Variants in NASP observed in about 807,000 individuals in gnomAD.
The protein encoded by NASP is nuclear autoantigenic sperm protein.
A neutral mutation model predicts 89.5 loss-of-function variants in NASP; 24 were observed. That is an observed-to-expected ratio of 0.27 (90% CI 0.19 to 0.38). NASP has a LOEUF of 0.38. NASP is among the 10% of genes least tolerant of loss of function. The pLI is 1.00. For synonymous variants in NASP, 306 were observed against 324.7 expected (o/e 0.94, Z 0.62); for missense variants, 848 against 921.4 (o/e 0.92, Z 1.03).
intron 2 of NASP, among the ~76,000 whole-genome samples, chr1:45,592,226 C>T (rs916358031): frequency 3.3e-5 from 5 of 152,220 alleles, no homozygotes; most frequent in Non-Finnish European, 7.3e-5. Flanking sequence ...CTCAGGTGAT[C>T]TGCCCGCCTT....
intron 14 of NASP, among the ~76,000 whole-genome samples, 153 bp downstream of exon 14, chr1:45,617,744 A>T (rs1161506013): frequency 6.6e-6 from 1 of 152,212 alleles, no homozygotes; most frequent in East Asian, 1.9e-4. Context: ...GCAGGAAAAC[A>T]GTTTGGTTAT....
Position 45,602,283 on chromosome 1 carries a change from C to A in NASP, c.136C>A (p.Leu46Ile), listed in dbSNP as rs1643864014. ...GGATGTGGATAGTGAAGCTAAGAAA[C>A]TATTGGGTTTAGGACAGAAACATCT... ...SLDVDSEAKK[L>I]LGLGQKHLVM... is the part of the protein sequence containing the mutation. Residue 46 changes from leucine (L) to isoleucine (I), a missense_variant, in exon 3 of 15, where the codon CTA (leucine) becomes ATA (isoleucine). By Grantham distance (5) the Leu-to-Ile change is conservative (BLOSUM62 2). This residue lies in a region of NASP where 89 missense variants were observed against 79.2 expected (regional missense o/e 1.12). Coordinates refer to ENST00000350030, the MANE Select transcript of NASP (RefSeq NM_002482.4). 6.2e-7 allele frequency: 1 copy of A among 1,613,514 alleles called. No individual in the cohort carries two copies. The highest frequency in any genetic ancestry group is 8.5e-7 in the Non-Finnish European group (1 of 1,179,668).
chr1:45,613,057 T>TA, intron 6 of NASP, 112 bp from the exon 7 acceptor site: 1 of 1,393,842 alleles, frequency 7.2e-7, no homozygotes, highest in South Asian at 1.6e-5. Flanking sequence ...TCACTTGGAT[T>TA]AGCATCTGGC....
rs757384299 is a variant in NASP at position 45,584,075 on chromosome 1, T to C, written c.-72T>C. On this transcript the variant is annotated 5_prime_UTR_variant, in exon 1 of 15. Coordinates refer to ENST00000350030, the MANE Select transcript of NASP (RefSeq NM_002482.4). The stretch of plus-strand genomic sequence containing the variant: ...GCCATTTTCTGTCCCTGAGTGAGTC[T>C]CTGGCGTCCCAAATTGCCTGTTTTT... The C allele has an allele frequency of 7.0e-7, 1 of 1,425,892 alleles. No individual in the cohort carries two copies. Among genetic ancestry groups the C allele is most frequent in the Non-Finnish European group, 9.7e-7 (1 of 1,035,822 alleles). The allele number at this position is 1,425,892 out of a possible 1,614,324, so 88.3% of individuals were successfully genotyped here.
chr1:45,603,605 A>ATTTTTTTT, intron 3 of NASP, among the ~76,000 whole-genome samples: 1 of 119,034 alleles, frequency 8.4e-6, no homozygotes, highest in Non-Finnish European at 1.6e-5. Flanking sequence ...GTATTTAGAG[A>ATTTTTTTT]TTTTTTTTTT....
At chr1:45,584,251 G>T (rs377682344) in intron 1 of NASP, 46 bp downstream of exon 1, 2 of 1,523,210 alleles carry the variant, frequency 1.3e-6, no homozygotes. Context: ...AGTCCGCGGG[G>T]AGGGCTAATG....
chr1:45,606,553 A>C lies in NASP; in HGVS notation c.371A>C (p.Glu124Ala), dbSNP rs1643911172. ...HVEEEEGEKT[E>A]DESLVENNDN... ...GAAGAGGAAGAAGGAGAAAAAACAG[A>C]AGATGAATCTCTGGTAGAAAATAAT... The change falls in exon 5 of 15, where the codon GAA becomes GCA. Residue 124 changes from glutamate to alanine, a missense_variant. Around this residue, in one of 5 missense-constraint regions of NASP, gnomAD observed 464 missense variants for 469.4 expected, o/e 0.99. Coordinates refer to ENST00000350030, the MANE Select transcript of NASP (RefSeq NM_002482.4). 1 of 1,613,158 alleles carries C rather than the reference A, an allele frequency of 6.2e-7. No homozygotes were observed. The highest frequency in any genetic ancestry group is 1.1e-5 in the South Asian group (1 of 91,066).
chr1:45,616,678 A>C lies in NASP; in HGVS notation c.2132A>C (p.Asp711Ala), dbSNP rs1644110946. The part of the protein sequence containing the change: ...DGASSSNCVT[D>A]ISHLVRKKRK... ...GCTTCCTCATCAAATTGTGTGACTG[A>C]TATTTCCCACCTTGTCAGAAAGAAG... The change falls in exon 13 of 15, where the codon GAT (aspartate) becomes GCT (alanine). Residue 711 changes from aspartate (D) to alanine (A), a missense_variant. Physicochemically the swap from Asp to Ala is moderately radical, Grantham distance 126. Transcript: ENST00000350030. 1 of 1,614,036 alleles carries C rather than the reference A, an allele frequency of 6.2e-7. No homozygotes were observed. Among genetic ancestry groups the C allele is most frequent in the Non-Finnish European group, 8.5e-7 (1 of 1,179,874 alleles).
intron 1 of NASP, among the ~76,000 whole-genome samples, chr1:45,590,543 C>CT (rs1643512707): frequency 7.4e-6 from 1 of 135,602 alleles, no homozygotes; most frequent in South Asian, 2.3e-4. Context: ...GAGCAAGACT[C>CT]TGTCTCAAAA....
rs746553714 is a variant in NASP, at chr1:45,613,199, A to G, written c.1457A>G (p.Glu486Gly). The G allele has an allele frequency of 3.8e-5, 62 of 1,610,962 alleles. 3 individuals are homozygous for G. In the South Asian group the frequency reaches 6.8e-4, roughly 18 times the overall value. ...GAAGGCTCAGAAGAGGATGATAAAG[A>G]AAATGATAAGACCGAAGAAATGCCA... ...ETEGSEEDDK[E>G]NDKTEEMPND... is the part of the protein sequence containing the mutation. Residue 486 changes from glutamate to glycine, a missense_variant, in exon 7 of 15, where the codon GAA (glutamate) becomes GGA (glycine). Glu to Gly is a moderately conservative substitution (Grantham distance 98). Around this residue, in one of 5 missense-constraint regions of NASP, gnomAD observed 464 missense variants for 469.4 expected, o/e 0.99. Coordinates refer to ENST00000350030, the MANE Select transcript of NASP (RefSeq NM_002482.4).
chr1:45,602,488 A>G, intron 3 of NASP, 123 bp downstream of exon 3: 1 of 964,534 alleles, frequency 1.0e-6, no homozygotes, highest in Non-Finnish European at 1.5e-6. Flanking sequence ...ATTATTTTTC[A>G]TGTGGTTTGT....
chr1:45,614,745 G>C (rs1644073520), intron 9 of NASP, among the ~76,000 whole-genome samples: 1 of 151,916 alleles, frequency 6.6e-6, no homozygotes, highest in African/African-American at 2.4e-5. Flanking sequence ...CACCATATTG[G>C]CCAGGCTGGT....
chr1:45,603,665 G>A (rs990776573), intron 3 of NASP, among the ~76,000 whole-genome samples: 1 of 146,288 alleles, frequency 6.8e-6, no homozygotes, highest in Non-Finnish European at 1.5e-5. Flanking sequence ...GCTGGAGTGC[G>A]ATGGCGCGAT....
Position 45,607,753 on chromosome 1 carries a change from A to G in NASP, c.842A>G (p.Gln281Arg). 4 of 1,614,156 alleles carry G rather than the reference A, an allele frequency of 2.5e-6. No homozygotes were observed. The highest frequency in any genetic ancestry group is 1.3e-5 in the African/African-American group (1 of 75,058). ...AAGCCAAAAGAAGTTTCAGAAGAGC[A>G]GCCTGTGGTGACTCTAGAAAAGCAG... ...EEKPKEVSEE[Q>R]PVVTLEKQGT... The change falls in exon 6 of 15, where the codon CAG becomes CGG. Residue 281 changes from glutamine (Q) to arginine (R), a missense_variant. Transcript: ENST00000350030.
chr1:45,586,976 G>A (rs1220182009), intron 1 of NASP, among the ~76,000 whole-genome samples: 2 of 152,070 alleles, frequency 1.3e-5, no homozygotes, highest in Non-Finnish European at 2.9e-5. Context: ...GGGACTACAG[G>A]CATGCATCAC....
At position 45,608,261 on chromosome 1, in the gene NASP, A is replaced by G. The variant is rs1278481419; in HGVS notation, c.1350A>G (p.Lys450=). The change falls in exon 6 of 15, where the codon AAA becomes AAG. Residue 450 remains lysine (K), a synonymous_variant. Coordinates refer to ENST00000350030, the MANE Select transcript of NASP (RefSeq NM_002482.4). ...DTKVAQGATE[K]SPEDKVQIAA... Reference sequence around the variant, plus strand: ...AGGTAGCCCAGGGAGCTACTGAGAAATCACCTGAAGACAAAGTTCAGATAG... The same window carrying G: ...AGGTAGCCCAGGGAGCTACTGAGAAGTCACCTGAAGACAAAGTTCAGATAG... 2 of 1,613,890 alleles carry G rather than the reference A, an allele frequency of 1.2e-6. No individual in the cohort carries two copies. The highest frequency in any genetic ancestry group is 1.1e-5 in the South Asian group (1 of 91,066).
rs1643944895 is a variant in NASP at position 45,608,287 on chromosome 1, C to CTG, written c.1377_1378dup (p.Ala460ValfsTer13). Reference sequence around the variant, plus strand: ...TCACCTGAAGACAAAGTTCAGATAGCTGCTAATGAAGAGACACAAGAGAGA... The same window carrying CTG: ...TCACCTGAAGACAAAGTTCAGATAGCTGTGCTAATGAAGAGACACAAGAGAGA... On this transcript the variant is annotated frameshift_variant, in exon 6 of 15. Coordinates refer to ENST00000350030, the MANE Select transcript of NASP (RefSeq NM_002482.4). LOFTEE classifies it high-confidence loss of function. The CTG allele has an allele frequency of 1.2e-6, 2 of 1,613,088 alleles. No individual in the cohort carries two copies. The highest frequency in any genetic ancestry group is 2.7e-5 in the African/African-American group (2 of 74,888).
At chr1:45,600,684 A>AT (rs1643819012) in intron 2 of NASP, among the ~76,000 whole-genome samples, 2 of 152,104 alleles carry the variant, frequency 1.3e-5, no homozygotes, top group Admixed American at 1.3e-4. Context: ...ATTCATTTCC[A>AT]TTTTTTGGGT....
At position 45,591,250 on chromosome 1, in the gene NASP, A is replaced by C. The variant is rs746439169; in HGVS notation, c.87A>C (p.Thr29=). The C allele has an allele frequency of 5.8e-6, 9 of 1,546,148 alleles. No homozygotes were observed. Among genetic ancestry groups the C allele is most frequent in the African/African-American group, 5.6e-5 (4 of 71,366 alleles). Residue 29 remains threonine (T), a synonymous_variant, in exon 2 of 15, where the codon ACA becomes ACC. Coordinates refer to ENST00000350030, the MANE Select transcript of NASP (RefSeq NM_002482.4). ...TTGAAGATGTTCCTGCTCCTTCTAC[A>C]TCTGCAGATAAAGTGGAGAGGTAAG... ...DKIEDVPAPS[T]SADKVESLDV... is the part of the protein sequence containing the mutation.
Sources: allele counts gnomAD v4.1 joint callset (sites outside exome capture counted in the v4.1 genomes callset), GRCh38; gene constraint gnomAD v4.1.1; regional missense constraint gnomAD v4.1.1; transcripts MANE v1.5; gene names NCBI Gene and HGNC (gene_info 2026-07-23, HGNC 2026-07-21).